Variants in PACRG observed in about 807,000 individuals in gnomAD.
The protein encoded by PACRG is parkin coregulated gene protein.
Under a neutral mutation model 29.7 loss-of-function variants are expected in PACRG, and 29 were observed. The ratio of observed to expected loss-of-function variants is 0.98; its 90% confidence interval spans 0.73 to 1.33. The LOEUF (loss-of-function observed/expected upper bound fraction) is 1.33, where lower values mean the gene tolerates loss of function less well. Ranked by LOEUF, PACRG falls within the 40% of genes most tolerant of loss-of-function variation. PACRG has a pLI of 0.00. For synonymous variants in PACRG, 116 were observed against 118.7 expected (o/e 0.98, Z 0.15); for missense variants, 279 against 316.2 (o/e 0.88, Z 0.89).
intron 2 of PACRG, among the ~76,000 whole-genome samples, chr6:162,966,765 C>G (rs759170591): frequency 6.6e-6 from 1 of 152,048 alleles, no homozygotes; most frequent in Non-Finnish European, 1.5e-5. Flanking sequence ...CGTGAGCCCC[C>G]GCACCCGGCC....
At chr6:162,780,870 T>A (rs1040300560) in intron 1 of PACRG, among the ~76,000 whole-genome samples, 1 of 151,874 alleles carries the variant, frequency 6.6e-6, no homozygotes, top group East Asian at 1.9e-4. Flanking sequence ...GAAAAAAAAT[T>A]AAGAAAAAAA....
chr6:163,122,374 A>G (rs1188363942), intron 4 of PACRG, among the ~76,000 whole-genome samples: 1 of 151,884 alleles, frequency 6.6e-6, no homozygotes, highest in African/African-American at 2.4e-5. Context: ...ACCCCTCCGA[A>G]TCGCTTGTTG....
intron 2 of PACRG, among the ~76,000 whole-genome samples, chr6:162,908,921 C>T (rs1465143596): frequency 6.6e-6 from 1 of 152,186 alleles, no homozygotes. Flanking sequence ...CATGTCTCTG[C>T]TCTTCTCAGG....
intron 4 of PACRG, among the ~76,000 whole-genome samples, chr6:163,150,364 C>T (rs931073124): frequency 6.6e-6 from 1 of 152,196 alleles, no homozygotes; most frequent in Non-Finnish European, 1.5e-5. Context: ...CACCAGGCCG[C>T]CCACTGGCTG....
At chr6:162,930,927 A>G (rs1172488183) in intron 2 of PACRG, among the ~76,000 whole-genome samples, 2 of 151,670 alleles carry the variant, frequency 1.3e-5, no homozygotes, top group East Asian at 1.9e-4. Context: ...GATGCATGCC[A>G]CTTGATCATG....
At chr6:163,208,694 C>T (rs1432256016) in intron 4 of PACRG, among the ~76,000 whole-genome samples, 1 of 152,080 alleles carries the variant, frequency 6.6e-6, no homozygotes, top group Non-Finnish European at 1.5e-5. Flanking sequence ...ATCTTCTTTG[C>T]ATGGAATAAA....
chr6:162,747,380 GTA>G (rs1301086174), intron 1 of PACRG, among the ~76,000 whole-genome samples: 2 of 22,994 alleles, frequency 8.7e-5, no homozygotes, highest in Non-Finnish European at 1.5e-4. Context: ...ACATATATAT[GTA>G]TATATATGTA....
At chr6:162,799,778 A>G (rs78035872) in intron 1 of PACRG, among the ~76,000 whole-genome samples, 10,413 of 152,196 alleles carry the variant, frequency 0.068, 476 homozygotes, top group East Asian at 0.28. Flanking sequence ...TAAAATATTC[A>G]TGATATGTAA....
At chr6:163,250,907 A>ATATATT (rs1235070399) in intron 4 of PACRG, among the ~76,000 whole-genome samples, 1 of 148,722 alleles carries the variant, frequency 6.7e-6, no homozygotes, top group Non-Finnish European at 1.5e-5. Context: ...ATATATATAT[A>ATATATT]CACTATGGAA....
chr6:162,789,744 A>G (rs1328172459), intron 1 of PACRG, among the ~76,000 whole-genome samples: 1 of 152,180 alleles, frequency 6.6e-6, no homozygotes, highest in Non-Finnish European at 1.5e-5. Context: ...TCCTCAATAG[A>G]AACTGATTTC....
rs538972115 is a variant in PACRG at position 162,885,595 on chromosome 6, A to G, written c.291+71314A>G. ...CTAAATAAGGTGTCTTTGAACAGAAACATGTATAAAACTGAATTATGTATT... is the reference window on the plus strand; with the variant it reads ...CTAAATAAGGTGTCTTTGAACAGAAGCATGTATAAAACTGAATTATGTATT... On this transcript the variant is annotated intron_variant, in intron 2 of 4. Coordinates refer to ENST00000366888, the MANE Select transcript of PACRG (RefSeq NM_001080379.2). Among the ~76,000 whole-genome samples, 4 of 152,254 alleles carry G rather than the reference A, an allele frequency of 2.6e-5. No homozygotes were observed. The East Asian group carries it at 7.7e-4, about 29-fold the overall frequency.
intron 4 of PACRG, among the ~76,000 whole-genome samples, chr6:163,262,590 G>C (rs1419249422): frequency 6.6e-6 from 1 of 151,544 alleles, no homozygotes; most frequent in Non-Finnish European, 1.5e-5. Context: ...ATGATTTGTG[G>C]TTGATCTCGA....
At chr6:163,005,774 A>G (rs757008169) in intron 2 of PACRG, among the ~76,000 whole-genome samples, 1 of 149,848 alleles carries the variant, frequency 6.7e-6, no homozygotes, top group African/African-American at 2.4e-5. Flanking sequence ...TTATATATAT[A>G]TAAAACGTAG....
intron 4 of PACRG, among the ~76,000 whole-genome samples, chr6:163,118,234 ATTCAATTTTC>A (rs1816107118): frequency 6.6e-6 from 1 of 152,210 alleles, no homozygotes; most frequent in African/African-American, 2.4e-5. Context: ...GGAGAGAGGC[ATTCAATTTTC>A]GGATGAACGG....
chr6:162,901,059 T>C (rs1795526948), intron 2 of PACRG, among the ~76,000 whole-genome samples: 1 of 152,150 alleles, frequency 6.6e-6, no homozygotes, highest in Non-Finnish European at 1.5e-5. Context: ...AATGAATATA[T>C]AATATACAGA....
intron 4 of PACRG, among the ~76,000 whole-genome samples, chr6:163,294,072 G>A (rs1186625097): frequency 6.6e-6 from 1 of 151,912 alleles, no homozygotes; most frequent in African/African-American, 2.4e-5. Flanking sequence ...CATTTTTTTG[G>A]TTAGGAAACA....
chr6:163,158,136 A>G (rs550331116), intron 4 of PACRG, among the ~76,000 whole-genome samples: 1 of 152,338 alleles, frequency 6.6e-6, no homozygotes, highest in East Asian at 1.9e-4. Context: ...GTACATGAAG[A>G]AAACAAGATT....
chr6:162,808,589 T>C (rs1786561845), intron 1 of PACRG, among the ~76,000 whole-genome samples: 1 of 152,214 alleles, frequency 6.6e-6, no homozygotes, highest in Non-Finnish European at 1.5e-5. Flanking sequence ...AAATCCATTA[T>C]GCCACATTCC....
At chr6:163,147,663 T>C (rs980043140) in intron 4 of PACRG, among the ~76,000 whole-genome samples, 8 of 152,304 alleles carry the variant, frequency 5.3e-5, no homozygotes, top group Admixed American at 3.9e-4. Context: ...CACCAATAGT[T>C]AGCAAATGTT....
Sources: gnomAD v4.1 joint callset for allele counts (sites outside exome capture counted in the v4.1 genomes callset) on GRCh38, gnomAD v4.1.1 for gene constraint, MANE v1.5 for transcripts, NCBI Gene and HGNC (gene_info 2026-07-23, HGNC 2026-07-21) for gene names.